IMMT: variants seen among roughly 807,000 people sequenced by gnomAD.
The protein encoded by IMMT is MICOS complex subunit MIC60.
A neutral mutation model predicts 92.7 loss-of-function variants in IMMT; 40 were observed. That is an observed-to-expected ratio of 0.43 (90% CI 0.34 to 0.56). The LOEUF (loss-of-function observed/expected upper bound fraction) is 0.56. Among genes scored for constraint, IMMT ranks in the 20% least tolerant of loss-of-function variants. The pLI, the probability that IMMT is intolerant of heterozygous loss-of-function variation, is 0.03. For missense variants in IMMT, 831 were observed against 912.1 expected (o/e 0.91, Z 1.14); for synonymous variants, 322 against 336.1 (o/e 0.96, Z 0.46).
At chr2:86,165,258 T>C (rs755760443) in intron 7 of IMMT, among the ~76,000 whole-genome samples, 1 of 152,214 alleles carries the variant, frequency 6.6e-6, no homozygotes, top group Non-Finnish European at 1.5e-5. Flanking sequence ...ACTGGTCTAC[T>C]TGGGTTTGAA....
Position 86,144,460 on chromosome 2 carries a change from G to A in IMMT, c.2085C>T (p.Ser695=), listed in dbSNP as rs1674838848. Residue 695 remains serine (S), a synonymous_variant, in exon 15 of 15, where the codon TCC becomes TCT. Transcript: ENST00000410111. ...CCAGATCACCATGCTCAATGCAATA[G>A]GAAGCATATGACAGTAATTTAAATG... is the stretch of plus-strand genomic sequence containing the variant. ...INTFKLLSYA[S]YCIEHGDLEL... is the part of the protein sequence containing the mutation. 6.2e-7 allele frequency: 1 copy of A among 1,614,010 alleles called. No individual in the cohort carries two copies. Among genetic ancestry groups the A allele is most frequent in the African/African-American group, 1.3e-5 (1 of 75,046 alleles).
In IMMT at chr2:86,173,757, T is replaced by C. The variant is rs1056760146; in HGVS notation, c.314A>G (p.Gln105Arg). The C allele has an allele frequency of 1.3e-6, 2 of 1,534,990 alleles. No homozygotes were observed. The highest frequency in any genetic ancestry group is 1.8e-6 in the Non-Finnish European group (2 of 1,113,750). Residue 105 changes from glutamine to arginine, a missense_variant, in exon 4 of 15, where the codon CAG becomes CGG. By Grantham distance (43) the Gln-to-Arg change is conservative. Coordinates refer to ENST00000410111, the MANE Select transcript of IMMT (RefSeq NM_006839.3). ...ACTAGAGATTTTTAGTGGACCCGAC[T>C]GAATCTTGGAAATAAAAAACATTTA... ...YNVPLPKKSIQSGPLKISSVS... is the reference protein window; with the variant it reads ...YNVPLPKKSIRSGPLKISSVS...
chr2:86,161,512 CTTTTTTT>C (rs35243118), intron 8 of IMMT, among the ~76,000 whole-genome samples: 1 of 108,456 alleles, frequency 9.2e-6, no homozygotes, highest in African/African-American at 3.4e-5. Context: ...GTACAAATTC[CTTTTTTT>C]TTTTTTTTTT....
intron 8 of IMMT, among the ~76,000 whole-genome samples, chr2:86,161,482 T>G (rs6737950): frequency 0.46 from 68,497 of 149,510 alleles, 16,267 homozygotes; most frequent in Non-Finnish European, 0.51. Context: ...ATTTTATTCC[T>G]TCTCTCTTTT....
chr2:86,146,310 C>T (rs1369930328), intron 13 of IMMT, 113 bp from the exon 14 acceptor site: 11 of 726,402 alleles, frequency 1.5e-5, no homozygotes, highest in African/African-American at 3.5e-5. Context: ...AGAGTTGTCA[C>T]GAAATTCCTA....
In IMMT at chr2:86,181,317, G is replaced by A. The variant is rs776452059; in HGVS notation, c.101C>T (p.Ser34Phe). ...TACATACCCAGAGCTGCCTGAAGTA[G>A]AGTATCTGCGGCATGGTCGCAATGG... ...LRPLRPCRRY[S>F]TSGSSGLTTG... The change falls in exon 2 of 15, where the codon TCT becomes TTT. Residue 34 changes from serine (S) to phenylalanine (F), a missense_variant. Coordinates refer to ENST00000410111, the MANE Select transcript of IMMT (RefSeq NM_006839.3). The A allele has an allele frequency of 1.7e-5, 27 of 1,613,512 alleles. 1 individual carries two copies. The Middle Eastern group carries it at 4.9e-4, about 29-fold the overall frequency.
chr2:86,159,367 G>A, intron 9 of IMMT, 169 bp downstream of exon 9: 1 of 695,866 alleles, frequency 1.4e-6, no homozygotes, highest in Non-Finnish European at 2.6e-6. Flanking sequence ...TTACAGGTGT[G>A]AACCACCACA....
At chr2:86,151,902 A>T (rs1040393696) in intron 11 of IMMT, among the ~76,000 whole-genome samples, 32 of 152,202 alleles carry the variant, frequency 2.1e-4, no homozygotes, top group African/African-American at 7.7e-4. Context: ...CCAATTGAAG[A>T]TTCTTTTCTG....
chr2:86,150,529 T>G (rs1675388375), intron 12 of IMMT, among the ~76,000 whole-genome samples: 1 of 152,182 alleles, frequency 6.6e-6, no homozygotes, highest in African/African-American at 2.4e-5. Flanking sequence ...AAAGGTGGGA[T>G]GAGTAGTTAG....
intron 1 of IMMT, among the ~76,000 whole-genome samples, chr2:86,192,137 G>A (rs1184402462): frequency 2.6e-5 from 4 of 152,160 alleles, no homozygotes; most frequent in Non-Finnish European, 4.4e-5. Flanking sequence ...AGGAGGTGAG[G>A]TGGGAGGATC....
intron 1 of IMMT, among the ~76,000 whole-genome samples, chr2:86,182,870 A>AAC (rs1672525561): frequency 6.6e-6 from 1 of 151,940 alleles, no homozygotes; most frequent in South Asian, 2.1e-4. Context: ...CCTTAAAAAA[A>AAC]AAAACAAAAA....
intron 1 of IMMT, among the ~76,000 whole-genome samples, chr2:86,190,911 C>T (rs568522131): frequency 2.0e-5 from 3 of 152,260 alleles, no homozygotes; most frequent in Non-Finnish European, 4.4e-5. Flanking sequence ...ATTGCTAGAA[C>T]CCAGGAGGCG....
chr2:86,144,595 TTCA>T lies in IMMT; in HGVS notation c.1947_1949del (p.Asp649del), dbSNP rs1558806274. ...AGTACTGGTACAAGCTATTTCTGGT[TTCA>T]TCAATCATTGCTACCCTTCGGGCCA... On this transcript the variant is annotated inframe_deletion, in exon 15 of 15. Transcript: ENST00000410111. 6.2e-7 allele frequency: 1 copy of T among 1,613,984 alleles called. No individual in the cohort carries two copies. The highest frequency in any genetic ancestry group is 2.2e-5 in the East Asian group (1 of 44,878).
chr2:86,195,291 G>A, intron 1 of IMMT, 47 bp downstream of exon 1: 1 of 1,505,502 alleles, frequency 6.6e-7, no homozygotes, highest in Non-Finnish European at 8.9e-7. Flanking sequence ...TTCGCTGACG[G>A]TTCTAGTTCA....
chr2:86,157,064 C>T (rs971139481), intron 10 of IMMT, among the ~76,000 whole-genome samples: 1 of 152,304 alleles, frequency 6.6e-6, no homozygotes, highest in Middle Eastern at 3.4e-3. Flanking sequence ...GCAGTGCCAA[C>T]GTGGCTCAAG....
At chr2:86,178,674 G>A (rs914564911) in intron 3 of IMMT, among the ~76,000 whole-genome samples, 1 of 151,988 alleles carries the variant, frequency 6.6e-6, no homozygotes, top group Non-Finnish European at 1.5e-5. Context: ...AAGTTGCACT[G>A]CATACAGACA....
At chr2:86,169,516 A>C (rs1422973052) in intron 6 of IMMT, among the ~76,000 whole-genome samples, 1 of 152,170 alleles carries the variant, frequency 6.6e-6, no homozygotes, top group Non-Finnish European at 1.5e-5. Context: ...CAGGAGCAAA[A>C]CAAATGACAA....
At chr2:86,161,562 G>A (rs1457424921) in intron 8 of IMMT, among the ~76,000 whole-genome samples, 1 of 143,754 alleles carries the variant, frequency 7.0e-6, no homozygotes, top group African/African-American at 2.7e-5. Flanking sequence ...CGCCCAGGCT[G>A]GAGTGCAATG....
chr2:86,149,122 T>G (rs1675271828), intron 12 of IMMT, among the ~76,000 whole-genome samples: 1 of 152,140 alleles, frequency 6.6e-6, no homozygotes, highest in Non-Finnish European at 1.5e-5. Context: ...ACATTTAAAA[T>G]AAACAGGGCA....
Sources: gnomAD v4.1 joint callset for allele counts (sites outside exome capture counted in the v4.1 genomes callset) on GRCh38, gnomAD v4.1.1 for gene constraint, MANE v1.5 for transcripts, NCBI Gene and HGNC (gene_info 2026-07-23, HGNC 2026-07-21) for gene names.